The following ELF2 variants were observed in gnomAD, a reference collection of about 807,000 sequenced individuals.
ELF2 encodes the protein E74 like ETS transcription factor 2.
Under a neutral mutation model 54.8 loss-of-function variants are expected in ELF2, and 11 were observed. The observed-to-expected ratio is 0.20, with a 90% CI of 0.13 to 0.33. The LOEUF is 0.33. ELF2 is among the 10% of genes least tolerant of loss of function. The probability of loss-of-function intolerance (pLI) is 1.00; values close to 1 mark genes in which losing one functional copy is unlikely to be tolerated. For missense variants in ELF2, 513 were observed against 703.0 expected (o/e 0.73, Z 3.06); for synonymous variants, 203 against 245.1 (o/e 0.83, Z 1.61).
Position 139,062,077 on chromosome 4 carries a change from C to T in ELF2, c.614-20G>A, listed in dbSNP as rs1415937302. On this transcript the variant is annotated intron_variant, in intron 7 of 9. Transcript: ENST00000686138. ...TGTTTCCTTTAAAAACAATGACAGA[C>T]ATTGATTAAAATTCATTAACATAAT... The T allele has an allele frequency of 2.5e-6, 4 of 1,599,336 alleles. No individual in the cohort carries two copies. Among genetic ancestry groups the T allele is most frequent in the African/African-American group, 1.4e-5 (1 of 74,072 alleles).
At chr4:139,114,562 CACACACACACACA>C (rs1560826174) in intron 4 of ELF2, among the ~76,000 whole-genome samples, 6 of 10,162 alleles carry the variant, frequency 5.9e-4, no homozygotes, top group African/African-American at 1.5e-3. Context: ...ACTTCAGTCT[CACACACACACACA>C]CACACACACA....
chr4:139,066,149 C>G (rs1251401739), intron 7 of ELF2: 1 of 150,378 alleles, frequency 6.6e-6, no homozygotes, highest in African/African-American at 2.4e-5. Context: ...CTGATAAGGA[C>G]AGAATAAATT....
Position 139,073,549 on chromosome 4 carries a change from C to A in ELF2, c.257G>T (p.Ser86Ile). 6.4e-7 allele frequency: 1 copy of A among 1,557,984 alleles called. No individual in the cohort carries two copies. The highest frequency in any genetic ancestry group is 8.7e-7 in the Non-Finnish European group (1 of 1,146,046). The change falls in exon 5 of 10, where the codon AGC (serine) becomes ATC (isoleucine). Residue 86 changes from serine to isoleucine, a missense_variant. Transcript: ENST00000686138. ...CTTATCTGTACAGTGTGCATTACTG[C>A]TGTGAACTGATGCTTCCACTGGAGG... ...NVETVEASVH[S>I]SNAHCTDKTI...
Position 139,060,440 on chromosome 4 carries a change from G to A in ELF2, c.1041C>T (p.Asn347=), listed in dbSNP as rs1276667875. 2 of 1,614,222 alleles carry A rather than the reference G, an allele frequency of 1.2e-6. No individual in the cohort carries two copies. The highest frequency in any genetic ancestry group is 1.3e-5 in the African/African-American group (1 of 75,046). The change falls in exon 9 of 10, where the codon AAC becomes AAT. Residue 347 remains asparagine, a synonymous_variant. Transcript: ENST00000686138. ...CTACACCCTTCTCTGCTCTGGAGCA[G>A]TTTATAGGGGATGAATTTTTTCCAC... ...VRSGKNSSPI[N]CSRAEKGVAR...
At chr4:139,164,544 G>A (rs898414927) in intron 1 of ELF2, among the ~76,000 whole-genome samples, 1 of 152,264 alleles carries the variant, frequency 6.6e-6, no homozygotes, top group African/African-American at 2.4e-5. Flanking sequence ...GGCTCAGTCA[G>A]GAGAATCACT....
Position 139,057,605 on chromosome 4 carries a change from T to C in ELF2, c.*1378A>G, listed in dbSNP as rs547980584. On this transcript the variant is annotated 3_prime_UTR_variant, in exon 10 of 10. Transcript: ENST00000686138. ...GTGAAACAAATGGTTTAAAGTGTTT[T>C]ACAAATATAAATTCTTTAAGTGCAG... 5 of 152,346 alleles carry C rather than the reference T, an allele frequency of 3.3e-5. No homozygotes were observed. The South Asian group carries it at 8.3e-4, about 25-fold the overall frequency. 9.4% of individuals were successfully genotyped at this position (152,346 alleles called of 1,614,324 possible).
chr4:139,139,521 A>G, intron 1 of ELF2, 24 bp from the exon 2 acceptor site: 3 of 1,139,622 alleles, frequency 2.6e-6, no homozygotes, highest in Non-Finnish European at 3.3e-6. Flanking sequence ...GGGAAAAAAG[A>G]TAATATTAAT....
At chr4:139,162,925 T>C (rs1309167260) in intron 1 of ELF2, among the ~76,000 whole-genome samples, 3 of 151,990 alleles carry the variant, frequency 2.0e-5, no homozygotes, top group African/African-American at 7.3e-5. Flanking sequence ...GGCAAGACTC[T>C]GTCTCTACAA....
intron 5 of ELF2, 126 bp downstream of exon 5, chr4:139,073,328 G>A (rs1729791113): frequency 2.0e-6 from 1 of 490,568 alleles, no homozygotes; most frequent in Non-Finnish European, 3.6e-6. Context: ...CTGCTGTCAT[G>A]TATTCATGTG....
chr4:139,082,179 A>G (rs2148726221), intron 4 of ELF2, among the ~76,000 whole-genome samples: 1 of 152,312 alleles, frequency 6.6e-6, no homozygotes, highest in South Asian at 2.1e-4. Flanking sequence ...CAAAGTTTTG[A>G]TGCAAAGGCA....
intron 4 of ELF2, among the ~76,000 whole-genome samples, chr4:139,118,328 C>G (rs192930434): frequency 6.6e-6 from 1 of 152,254 alleles, no homozygotes; most frequent in East Asian, 1.9e-4. Context: ...TTGTAGACCA[C>G]AATCATTGTG....
chr4:139,148,631 C>T (rs1041406314), intron 1 of ELF2, among the ~76,000 whole-genome samples: 1 of 151,538 alleles, frequency 6.6e-6, no homozygotes, highest in African/African-American at 2.4e-5. Context: ...ATTCATCCAC[C>T]GATGCACATT....
chr4:139,112,786 T>C (rs1017221357), intron 4 of ELF2, among the ~76,000 whole-genome samples: 5 of 152,192 alleles, frequency 3.3e-5, no homozygotes, highest in African/African-American at 1.2e-4. Context: ...TTAACTAGTG[T>C]TTCTTTAAAA....
chr4:139,068,210 C>T (rs867101047), intron 6 of ELF2, among the ~76,000 whole-genome samples: 4 of 152,074 alleles, frequency 2.6e-5, no homozygotes, highest in East Asian at 1.9e-4. Context: ...TTAGTAGAGA[C>T]GGGGTTTCAC....
chr4:139,150,967 T>TGTGCCGAGA (rs1739817740), intron 1 of ELF2, among the ~76,000 whole-genome samples: 1 of 135,764 alleles, frequency 7.4e-6, no homozygotes, highest in Non-Finnish European at 1.5e-5. Context: ...GAGCTTGCAG[T>TGTGCCGAGA]GAGCCGAGAT....
intron 1 of ELF2, among the ~76,000 whole-genome samples, chr4:139,150,281 T>C (rs1003144693): frequency 6.6e-6 from 1 of 150,930 alleles, no homozygotes. Context: ...GCAAGAGAAT[T>C]GCTTGAACCC....
At chr4:139,096,920 T>G (rs2148774848) in intron 4 of ELF2, among the ~76,000 whole-genome samples, 1 of 152,224 alleles carries the variant, frequency 6.6e-6, no homozygotes, top group East Asian at 1.9e-4. Flanking sequence ...TAATCTGTCT[T>G]TACAGAGGTT....
At chr4:139,150,053 G>A (rs1739708011) in intron 1 of ELF2, among the ~76,000 whole-genome samples, 1 of 151,798 alleles carries the variant, frequency 6.6e-6, no homozygotes, top group Non-Finnish European at 1.5e-5. Flanking sequence ...AAATTAGCTG[G>A]GCGTGGCCAG....
chr4:139,163,070 T>C (rs1168923454), intron 1 of ELF2, among the ~76,000 whole-genome samples: 1 of 152,172 alleles, frequency 6.6e-6, no homozygotes, highest in Non-Finnish European at 1.5e-5. Context: ...CACTCTAGGC[T>C]GGGCAACAGT....
Sources: gnomAD v4.1 joint callset for allele counts (sites outside exome capture counted in the v4.1 genomes callset) on GRCh38, gnomAD v4.1.1 for gene constraint, MANE v1.5 for transcripts, NCBI Gene and HGNC (gene_info 2026-07-23, HGNC 2026-07-21) for gene names.